Variants in CPPED1 observed in about 807,000 individuals in gnomAD.
The protein encoded by CPPED1 is calcineurin like phosphoesterase domain containing 1.
In CPPED1, 28 loss-of-function variants were observed where a neutral mutation model predicts 28.0. The ratio of observed to expected loss-of-function variants is 1.00; its 90% CI spans 0.74 to 1.37. CPPED1 has a LOEUF of 1.37. Among genes scored for constraint, CPPED1 ranks in the 40% most tolerant of loss-of-function variants. The pLI is 0.00. For synonymous variants in CPPED1, 198 were observed against 180.2 expected (o/e 1.10, Z -0.79); for missense variants, 504 against 416.5 (o/e 1.21, Z -1.83).
rs540546847 is a variant in CPPED1, at chr16:12,777,442, C to CT, written c.289+3742_289+3743insA. On this transcript the variant is annotated intron_variant, in intron 2 of 3. Transcript: ENST00000381774. ...GCATCAGGAGGACTGACAAGAGTAA[C>CT]CCTAAATTAAGAGTGAAGGATGAAA... Among the ~76,000 whole-genome samples, 3 of 152,244 alleles carry CT rather than the reference C, an allele frequency of 2.0e-5. No homozygotes were observed. The East Asian group carries it at 5.8e-4, about 29-fold the overall frequency.
intron 1 of CPPED1, among the ~76,000 whole-genome samples, chr16:12,798,567 G>T (rs1409780660): frequency 6.6e-6 from 1 of 152,146 alleles, no homozygotes; most frequent in Non-Finnish European, 1.5e-5. Flanking sequence ...GAAAGATTCA[G>T]GATTAGCAAA....
chr16:12,731,140 T>C (rs980416773), intron 2 of CPPED1, among the ~76,000 whole-genome samples: 1 of 140,278 alleles, frequency 7.1e-6, no homozygotes, highest in African/African-American at 2.7e-5. Flanking sequence ...AGACCCTGTC[T>C]CTTCAAAAAA....
intron 2 of CPPED1, among the ~76,000 whole-genome samples, chr16:12,746,534 G>A (rs1392362717): frequency 6.6e-6 from 1 of 152,194 alleles, no homozygotes; most frequent in Non-Finnish European, 1.5e-5. Context: ...GCAGAAGAAA[G>A]CCAATACCAG....
At chr16:12,683,535 T>C (rs1013020639) in intron 3 of CPPED1, among the ~76,000 whole-genome samples, 2 of 152,186 alleles carry the variant, frequency 1.3e-5, no homozygotes, top group Non-Finnish European at 2.9e-5. Context: ...CCTTGCAAGC[T>C]CTGCAAACTC....
intron 2 of CPPED1, among the ~76,000 whole-genome samples, chr16:12,751,499 C>T (rs191398391): frequency 6.6e-5 from 10 of 152,288 alleles, no homozygotes; most frequent in East Asian, 5.8e-4. Context: ...TTTCCTCCTT[C>T]GTAGAATACA....
At chr16:12,700,459 C>T (rs968276605) in intron 3 of CPPED1, among the ~76,000 whole-genome samples, 2 of 152,222 alleles carry the variant, frequency 1.3e-5, no homozygotes, top group Non-Finnish European at 2.9e-5. Flanking sequence ...GGCATGATCT[C>T]GGCTCATTGC....
chr16:12,750,376 C>T (rs190680128), intron 2 of CPPED1, among the ~76,000 whole-genome samples: 2 of 152,240 alleles, frequency 1.3e-5, no homozygotes, highest in East Asian at 1.9e-4. Context: ...TTCATTTGAA[C>T]GCTTAGAAGC....
chr16:12,689,986 A>G (rs2079953865), intron 3 of CPPED1, among the ~76,000 whole-genome samples: 1 of 152,230 alleles, frequency 6.6e-6, no homozygotes, highest in South Asian at 2.1e-4. Flanking sequence ...TATCAAACAC[A>G]AGTTGAAATT....
chr16:12,801,561 C>G (rs1033189250), intron 1 of CPPED1, among the ~76,000 whole-genome samples: 5 of 151,934 alleles, frequency 3.3e-5, no homozygotes, highest in African/African-American at 4.8e-5. Context: ...TCTAGTAATG[C>G]TGGGGATGAT....
intron 1 of CPPED1, among the ~76,000 whole-genome samples, chr16:12,797,071 CA>C (rs1472445220): frequency 6.6e-6 from 1 of 152,164 alleles, no homozygotes; most frequent in Non-Finnish European, 1.5e-5. Context: ...GGTAAATTAG[CA>C]GTTGCCTGTG....
chr16:12,779,371 ACCACG>A, intron 2 of CPPED1, among the ~76,000 whole-genome samples: 1 of 148,052 alleles, frequency 6.8e-6, no homozygotes, highest in African/African-American at 2.5e-5. Context: ...GGCATGCACC[ACCACG>A]CCTGGCTAAT....
chr16:12,694,247 A>G (rs1321456189), intron 3 of CPPED1, among the ~76,000 whole-genome samples: 1 of 152,158 alleles, frequency 6.6e-6, no homozygotes, highest in African/African-American at 2.4e-5. Context: ...TTTTAGTTGA[A>G]GAGCAATCTA....
intron 2 of CPPED1, among the ~76,000 whole-genome samples, chr16:12,722,476 G>A (rs1387343079): frequency 1.3e-5 from 2 of 152,200 alleles, no homozygotes; most frequent in African/African-American, 2.4e-5. Context: ...GGTGGCTCAC[G>A]CCTGTAATCC....
chr16:12,686,955 GT>G (rs1176753292), intron 3 of CPPED1, among the ~76,000 whole-genome samples: 2 of 152,016 alleles, frequency 1.3e-5, no homozygotes, highest in Admixed American at 1.3e-4. Context: ...GATTCAGTAC[GT>G]ACACCAGGGG....
At chr16:12,733,190 G>T (rs1481304406) in intron 2 of CPPED1, among the ~76,000 whole-genome samples, 2 of 152,112 alleles carry the variant, frequency 1.3e-5, no homozygotes, top group African/African-American at 4.8e-5. Flanking sequence ...CTACAATGTG[G>T]CTCTGTTGTG....
rs1369996901 is a variant in CPPED1 at position 12,682,970 on chromosome 16, C to CA, written c.716-17856dup. ...TCATTAAAAAGATTGTTTTGACTGA[C>CA]AGAATGTTCGTGTATCAAATTGGAA... On this transcript the variant is annotated intron_variant, in intron 3 of 3. Coordinates refer to ENST00000381774, the MANE Select transcript of CPPED1 (RefSeq NM_018340.3). This position sits in a 1 kb window ranked among gnomAD's most constrained non-coding sequence, Gnocchi z 6.1. Among the ~76,000 whole-genome samples, 3 of 152,164 alleles carry CA rather than the reference C, an allele frequency of 2.0e-5. No homozygotes were observed. The highest frequency in any genetic ancestry group is 4.4e-5 in the Non-Finnish European group (3 of 68,034).
intron 2 of CPPED1, among the ~76,000 whole-genome samples, chr16:12,758,899 A>G (rs9924977): frequency 0.08 from 12,234 of 151,990 alleles, 1,669 homozygotes; most frequent in African/African-American, 0.28. Flanking sequence ...GTGGTGGCTC[A>G]TGCTTGTAAT....
rs1456106482 is a variant in CPPED1 at position 12,709,355 on chromosome 16, G to A, written c.290-4306C>T. Among the ~76,000 whole-genome samples, 1 of 152,218 alleles carries A rather than the reference G, an allele frequency of 6.6e-6. No homozygotes were observed. Among genetic ancestry groups the A allele is most frequent in the Non-Finnish European group, 1.5e-5 (1 of 68,038 alleles). ...CCAAGGTGGATAAGAGGTATCTGCT[G>A]AGAAGTGGGTGCCAAGAGTACAGGG... On this transcript the variant is annotated intron_variant, in intron 2 of 3. Transcript: ENST00000381774. This position sits in a 1 kb window ranked among gnomAD's most constrained non-coding sequence, Gnocchi z 4.4.
In CPPED1 at chr16:12,686,688, T is replaced by TA. The variant is rs1298502216; in HGVS notation, c.715+17935dup. Reference sequence around the variant, plus strand: ...GCTTAGTAACCCTGGCCCATGTCTGTATGACAACTTGGAGGCAATTTGGAA... The same window carrying TA: ...GCTTAGTAACCCTGGCCCATGTCTGTAATGACAACTTGGAGGCAATTTGGAA... On this transcript the variant is annotated intron_variant, in intron 3 of 3. Transcript: ENST00000381774. Among the ~76,000 whole-genome samples the TA allele has an allele frequency of 2.0e-5, 3 of 152,246 alleles. No homozygotes were observed. The East Asian group carries it at 5.8e-4, about 29-fold the overall frequency.
Sources: gnomAD v4.1 joint callset for allele counts (sites outside exome capture counted in the v4.1 genomes callset) on GRCh38, gnomAD v4.1.1 for gene constraint, Gnocchi (gnomAD v3.1) non-coding constraint, MANE v1.5 for transcripts, NCBI Gene and HGNC (gene_info 2026-07-23, HGNC 2026-07-21) for gene names.